CR1L: variants seen among roughly 807,000 people sequenced by gnomAD.
The protein encoded by CR1L is complement C3b/C4b receptor 1 like, also known as complement component receptor 1-like protein.
A neutral mutation model predicts 62.3 loss-of-function variants in CR1L; 59 were observed. The ratio of observed to expected loss-of-function variants is 0.95; its 90% CI spans 0.77 to 1.18. The LOEUF is 1.18. CR1L is among the 50% of genes most tolerant of loss of function. The pLI is 0.00. For missense variants in CR1L, 700 were observed against 702.8 expected, an observed-to-expected ratio of 1.00 and a Z score of 0.04; for synonymous variants, 279 against 248.7, an observed-to-expected ratio of 1.12 and a Z score of -1.15.
At chr1:207,698,023 T>C (rs1488326317) in intron 7 of CR1L, 150 bp downstream of exon 7, 16 of 1,325,114 alleles carry the variant, frequency 1.2e-5, no homozygotes, top group East Asian at 2.4e-5. Flanking sequence ...TTTGAAAGTA[T>C]ATATAGGAAG....
chr1:207,677,077 A>G (rs1004821823), intron 1 of CR1L, among the ~76,000 whole-genome samples: 2 of 152,098 alleles, frequency 1.3e-5, no homozygotes, highest in African/African-American at 4.8e-5. Flanking sequence ...CTGTAATCCC[A>G]GGACTTTGGG....
chr1:207,710,834 G>T, intron 10 of CR1L: 1 of 1,451,086 alleles, frequency 6.9e-7, no homozygotes, highest in Non-Finnish European at 9.6e-7. Context: ...ATGCATTGCT[G>T]TTGGATCAGG....
intron 4 of CR1L, among the ~76,000 whole-genome samples, chr1:207,691,931 C>G (rs779887605): frequency 6.6e-6 from 1 of 152,178 alleles, no homozygotes; most frequent in Non-Finnish European, 1.5e-5. Flanking sequence ...GAGACTCCTG[C>G]CCAGCTGCGT....
chr1:207,678,356 C>T (rs913854867), intron 3 of CR1L, 59 bp downstream of exon 3: 86 of 1,425,866 alleles, frequency 6.0e-5, no homozygotes, highest in Non-Finnish European at 7.6e-5. Context: ...CACAGCCATA[C>T]TACCTTCTAG....
rs137922510 is a variant in CR1L at position 207,683,117 on chromosome 1, A to ACTCT, written c.378-742_378-739dup. Among the ~76,000 whole-genome samples, 597 of 92,136 alleles carry ACTCT rather than the reference A, an allele frequency of 6.5e-3. 5 individuals are homozygous for ACTCT. The highest frequency in any genetic ancestry group is 0.025 in the African/African-American group (578 of 23,448). The allele number at this position is 92,136 out of a possible 152,430, so 60.4% of individuals were successfully genotyped here. A position where few individuals can be genotyped will look rare whatever the true frequency, so the allele number is the denominator to read the frequency against. On this transcript the variant is annotated intron_variant, in intron 3 of 11. Transcript: ENST00000508064. The stretch of plus-strand genomic sequence containing the variant: ...CTCTTTCTCTCTCTCTCTCCCTCTG[A>ACTCT]CTCTCTCTCTCTCTCTACCCCGCCC...
At chr1:207,673,498 T>G (rs186962350) in intron 1 of CR1L, among the ~76,000 whole-genome samples, 1 of 152,312 alleles carries the variant, frequency 6.6e-6, no homozygotes, top group Admixed American at 6.5e-5. Flanking sequence ...GACATGAAAG[T>G]GATGATGTGT....
At chr1:207,720,250 A>T (rs999254215) in intron 11 of CR1L, among the ~76,000 whole-genome samples, 1 of 152,192 alleles carries the variant, frequency 6.6e-6, no homozygotes, top group African/African-American at 2.4e-5. Flanking sequence ...TCTTTACCCT[A>T]TCTAGTCTTG....
At chr1:207,647,390 G>A (rs12085338) in intron 1 of CR1L, among the ~76,000 whole-genome samples, 2,092 of 152,206 alleles carry the variant, frequency 0.014, 36 homozygotes, top group African/African-American at 0.042. Flanking sequence ...GAATGTTACC[G>A]CTTCAGAGAC....
intron 3 of CR1L, among the ~76,000 whole-genome samples, chr1:207,681,196 A>G (rs1663789486): frequency 6.6e-6 from 1 of 152,202 alleles, no homozygotes; most frequent in South Asian, 2.1e-4. Flanking sequence ...CCCAGGCTTC[A>G]CTGTCCCTCT....
chr1:207,710,587 G>T, intron 10 of CR1L: 2 of 1,610,188 alleles, frequency 1.2e-6, no homozygotes, highest in Non-Finnish European at 1.7e-6. Context: ...CAGTCCCTCA[G>T]TGCATTATAC....
intron 1 of CR1L, chr1:207,669,601 T>G (rs2102452302): frequency 7.9e-7 from 1 of 1,265,508 alleles, no homozygotes. Flanking sequence ...GCGCCCGGGC[T>G]GACGAGGCAC....
intron 9 of CR1L, among the ~76,000 whole-genome samples, chr1:207,702,912 A>G (rs1255958918): frequency 1.3e-5 from 2 of 152,174 alleles, no homozygotes; most frequent in Middle Eastern, 3.2e-3. Context: ...GTGAAACCTC[A>G]TATCTACTGA....
chr1:207,700,068 G>T (rs1664168203), intron 8 of CR1L, among the ~76,000 whole-genome samples: 1 of 152,080 alleles, frequency 6.6e-6, no homozygotes, highest in Non-Finnish European at 1.5e-5. Flanking sequence ...ATAATCAGTA[G>T]ACTACTGATT....
intron 1 of CR1L, among the ~76,000 whole-genome samples, chr1:207,655,604 CT>C (rs1558010509): frequency 6.6e-6 from 1 of 152,114 alleles, no homozygotes; most frequent in Non-Finnish European, 1.5e-5. Context: ...CCATACCTGG[CT>C]TTTTGTAACT....
chr1:207,721,343 TC>T (rs1654133900), intron 11 of CR1L, among the ~76,000 whole-genome samples: 1 of 64,864 alleles, frequency 1.5e-5, no homozygotes, highest in Non-Finnish European at 2.8e-5. Context: ...CCCTCCCCCC[TC>T]CCCCCACCCC....
At chr1:207,720,059 T>A (rs149655919) in intron 11 of CR1L, among the ~76,000 whole-genome samples, 1 of 152,348 alleles carries the variant, frequency 6.6e-6, no homozygotes, top group Non-Finnish European at 1.5e-5. Flanking sequence ...TTAAGTTGGA[T>A]GAAGGAGATA....
chr1:207,699,101 T>C (rs1404941774), intron 7 of CR1L, 88 bp from the exon 8 acceptor site: 3 of 1,572,856 alleles, frequency 1.9e-6, no homozygotes, highest in Admixed American at 1.7e-5. Context: ...GTCCTCAAAA[T>C]CCTGAAATTG....
chr1:207,694,242 G>T, intron 4 of CR1L, 111 bp from the exon 5 acceptor site: 1 of 1,331,206 alleles, frequency 7.5e-7, no homozygotes, highest in Non-Finnish European at 1.0e-6. Context: ...ATGTACCTAC[G>T]TGTTAGCAAA....
chr1:207,660,199 A>G (rs973698073), intron 1 of CR1L, among the ~76,000 whole-genome samples: 9 of 152,268 alleles, frequency 5.9e-5, no homozygotes, highest in African/African-American at 1.9e-4. Context: ...TCGAGCTCCT[A>G]TAACGGACAG....
Sources: allele counts gnomAD v4.1 joint callset (sites outside exome capture counted in the v4.1 genomes callset), GRCh38; gene constraint gnomAD v4.1.1; transcripts MANE v1.5; gene names NCBI Gene and HGNC (gene_info 2026-07-23, HGNC 2026-07-21).